Variants in ST6GALNAC3 observed in about 807,000 individuals in gnomAD.
ST6GALNAC3 encodes the protein alpha-N-acetylgalactosaminide alpha-2,6-sialyltransferase 3.
Under a neutral mutation model 32.7 loss-of-function variants are expected in ST6GALNAC3, and 25 were observed. The ratio of observed to expected loss-of-function variants is 0.76; its 90% CI spans 0.56 to 1.07. The LOEUF (loss-of-function observed/expected upper bound fraction) is 1.07. ST6GALNAC3 is among the 50% of genes least tolerant of loss of function. The pLI is 0.00. For synonymous variants in ST6GALNAC3, 129 were observed against 133.1 expected, an observed-to-expected ratio of 0.97 and a Z score of 0.21; for missense variants, 355 against 382.4, an observed-to-expected ratio of 0.93 and a Z score of 0.60.
rs537677132 is a variant in ST6GALNAC3, at chr1:76,451,692, T to C, written c.623+39275T>C. ...TTATTTGAAGCTATTGTAAAAAGGG[T>C]TGAGTTCTTGATTTGATTCTCAGCT... On this transcript the variant is annotated intron_variant, in intron 3 of 4. Coordinates refer to ENST00000328299, the MANE Select transcript of ST6GALNAC3 (RefSeq NM_152996.4). Among the ~76,000 whole-genome samples the C allele has an allele frequency of 3.2e-3, 482 of 152,334 alleles. 2 individuals carry two copies. The highest frequency in any genetic ancestry group is 0.011 in the African/African-American group (443 of 41,578).
intron 3 of ST6GALNAC3, among the ~76,000 whole-genome samples, chr1:76,425,062 C>G (rs7418063): frequency 0.27 from 40,468 of 151,852 alleles, 5,939 homozygotes; most frequent in Admixed American, 0.35. Flanking sequence ...ATGAAAATAA[C>G]AGTTTAATTT....
Position 76,540,298 on chromosome 1 carries a change from T to C in ST6GALNAC3, c.624-87154T>C, listed in dbSNP as rs186055608. ...ACACGTTCTCACTCATAAGTGGGAG[T>C]TGAACAATGAGAACATATGGACACA... On this transcript the variant is annotated intron_variant, in intron 3 of 4. Transcript: ENST00000328299. 4.6e-3 allele frequency among the ~76,000 whole-genome samples: 703 copies of C among 151,610 alleles called. 2 individuals are homozygous for C. The highest frequency in any genetic ancestry group is 0.016 in the African/African-American group (661 of 41,322).
At chr1:76,628,144 A>G (rs1173686) in intron 4 of ST6GALNAC3, among the ~76,000 whole-genome samples, 33,317 of 151,766 alleles carry the variant, frequency 0.22, 3,704 homozygotes, top group South Asian at 0.26. Flanking sequence ...AATGGAATCT[A>G]TTTCCCTACC....
chr1:76,254,803 G>A (rs1298471542), intron 1 of ST6GALNAC3, among the ~76,000 whole-genome samples: 3 of 151,922 alleles, frequency 2.0e-5, no homozygotes, highest in Non-Finnish European at 4.4e-5. Flanking sequence ...TCATGAATCC[G>A]TTCGCATCCC....
intron 1 of ST6GALNAC3, among the ~76,000 whole-genome samples, chr1:76,129,658 T>C (rs558316048): frequency 7.9e-5 from 12 of 152,308 alleles, no homozygotes; most frequent in Admixed American, 2.6e-4. Context: ...GTTTTGTGGC[T>C]TGTGCTATCA....
At chr1:76,142,841 A>C (rs1365961414) in intron 1 of ST6GALNAC3, 1 of 452,456 alleles carries the variant, frequency 2.2e-6, no homozygotes, top group Non-Finnish European at 4.4e-6. Context: ...TTTTCTTTTA[A>C]ATTTTTCATC....
At chr1:76,451,819 T>G (rs1657425463) in intron 3 of ST6GALNAC3, among the ~76,000 whole-genome samples, 2 of 152,160 alleles carry the variant, frequency 1.3e-5, no homozygotes, top group South Asian at 4.1e-4. Context: ...GCTTTTTGGA[T>G]AAGTCTTTAG....
At chr1:76,525,791 GTA>G (rs199721572) in intron 3 of ST6GALNAC3, among the ~76,000 whole-genome samples, 2,605 of 75,328 alleles carry the variant, frequency 0.035, 56 homozygotes, top group African/African-American at 0.057. Flanking sequence ...GTGTGTGTGT[GTA>G]TATATATATA....
intron 2 of ST6GALNAC3, among the ~76,000 whole-genome samples, chr1:76,365,891 T>C (rs61771497): frequency 0.099 from 15,089 of 152,196 alleles, 967 homozygotes; most frequent in African/African-American, 0.18. Context: ...AATCTTTCAC[T>C]TTCACTCACT....
At chr1:76,452,117 T>C (rs1462884746) in intron 3 of ST6GALNAC3, among the ~76,000 whole-genome samples, 1 of 152,136 alleles carries the variant, frequency 6.6e-6, no homozygotes, top group Non-Finnish European at 1.5e-5. Context: ...AATTTCCAAG[T>C]GTTGTGGGAG....
At chr1:76,399,955 G>T (rs1332971484) in intron 2 of ST6GALNAC3, among the ~76,000 whole-genome samples, 1 of 151,870 alleles carries the variant, frequency 6.6e-6, no homozygotes, top group Non-Finnish European at 1.5e-5. Context: ...AATTATATAT[G>T]AATTTTTAAT....
chr1:76,274,878 C>A (rs1384920704), intron 1 of ST6GALNAC3, among the ~76,000 whole-genome samples: 1 of 152,186 alleles, frequency 6.6e-6, no homozygotes, highest in African/African-American at 2.4e-5. Context: ...GAATGTCGAA[C>A]TTCATCTTGT....
intron 1 of ST6GALNAC3, among the ~76,000 whole-genome samples, chr1:76,287,714 T>C (rs1482585223): frequency 6.6e-6 from 1 of 152,182 alleles, no homozygotes. Context: ...ACCCCAGAAT[T>C]TGAGCATTGT....
At chr1:76,356,751 A>G (rs1457156743) in intron 2 of ST6GALNAC3, among the ~76,000 whole-genome samples, 1 of 152,210 alleles carries the variant, frequency 6.6e-6, no homozygotes, top group African/African-American at 2.4e-5. Context: ...TACCTAGGAT[A>G]CATAGATAAT....
At chr1:76,211,335 G>C (rs1049794359) in intron 1 of ST6GALNAC3, among the ~76,000 whole-genome samples, 3 of 152,166 alleles carry the variant, frequency 2.0e-5, no homozygotes, top group Non-Finnish European at 4.4e-5. Flanking sequence ...TACACTGTTG[G>C]TGGGACTGTA....
intron 1 of ST6GALNAC3, among the ~76,000 whole-genome samples, chr1:76,290,603 G>A (rs1447101073): frequency 6.6e-6 from 1 of 152,188 alleles, no homozygotes; most frequent in East Asian, 1.9e-4. Flanking sequence ...GCTCAGAGAG[G>A]TGACACAGGC....
At chr1:76,597,417 A>G (rs1187243264) in intron 3 of ST6GALNAC3, among the ~76,000 whole-genome samples, 2 of 152,064 alleles carry the variant, frequency 1.3e-5, no homozygotes, top group Non-Finnish European at 2.9e-5. Flanking sequence ...CATACACACA[A>G]CGCTAAGATC....
intron 2 of ST6GALNAC3, among the ~76,000 whole-genome samples, chr1:76,330,644 A>T (rs543839477): frequency 6.6e-6 from 1 of 152,334 alleles, no homozygotes; most frequent in South Asian, 2.1e-4. Context: ...TTCTTGCCAG[A>T]TATCCACTTA....
chr1:76,294,268 A>G (rs577472459), intron 1 of ST6GALNAC3, among the ~76,000 whole-genome samples: 2 of 152,194 alleles, frequency 1.3e-5, no homozygotes, highest in South Asian at 2.1e-4. Flanking sequence ...TCTTAGGTAT[A>G]TATTATTTGT....
Sources: allele counts gnomAD v4.1 joint callset (sites outside exome capture counted in the v4.1 genomes callset), GRCh38; gene constraint gnomAD v4.1.1; transcripts MANE v1.5; gene names NCBI Gene and HGNC (gene_info 2026-07-23, HGNC 2026-07-21).